The following SPAG16 variants were observed in gnomAD, a reference collection of about 807,000 sequenced individuals.
SPAG16 encodes sperm-associated antigen 16 protein.
SPAG16 carries 86 observed loss-of-function variants against 80.4 expected under a neutral mutation model. The ratio of observed to expected loss-of-function variants is 1.07; its 90% CI spans 0.90 to 1.28. SPAG16 has a LOEUF of 1.28. Among genes scored for constraint, SPAG16 ranks in the 50% most tolerant of loss-of-function variants. The pLI is 0.00. For synonymous variants in SPAG16, 294 were observed against 265.9 expected (o/e 1.11, Z -1.03); for missense variants, 870 against 765.3 (o/e 1.14, Z -1.61).
intron 14 of SPAG16, among the ~76,000 whole-genome samples, chr2:214,126,659 T>C (rs1159503939): frequency 1.3e-5 from 2 of 151,756 alleles, no homozygotes; most frequent in Non-Finnish European, 2.9e-5. Context: ...TCAATAATAA[T>C]TAGCTACTTT....
At chr2:213,635,199 T>C (rs2062314925) in intron 10 of SPAG16, among the ~76,000 whole-genome samples, 1 of 151,950 alleles carries the variant, frequency 6.6e-6, no homozygotes, top group Non-Finnish European at 1.5e-5. Flanking sequence ...CATGCCTGGC[T>C]AATTTTTTTG....
intron 15 of SPAG16, among the ~76,000 whole-genome samples, chr2:214,367,033 C>T (rs1699522698): frequency 6.6e-6 from 1 of 152,030 alleles, no homozygotes; most frequent in South Asian, 2.1e-4. Context: ...CCAACTGCAC[C>T]TCTTTGGTCA....
chr2:213,374,031 C>T (rs1341101101), intron 8 of SPAG16, among the ~76,000 whole-genome samples: 2 of 152,228 alleles, frequency 1.3e-5, no homozygotes, highest in Non-Finnish European at 2.9e-5. Flanking sequence ...AGCTTAGCAC[C>T]TTCGGGGAGG....
At chr2:213,343,184 G>A (rs962137780) in intron 6 of SPAG16, among the ~76,000 whole-genome samples, 1 of 152,148 alleles carries the variant, frequency 6.6e-6, no homozygotes, top group Non-Finnish European at 1.5e-5. Flanking sequence ...AGGTTGCACA[G>A]TGCTGGGAGA....
chr2:213,860,890 A>C (rs2075426578), intron 10 of SPAG16, among the ~76,000 whole-genome samples: 1 of 152,178 alleles, frequency 6.6e-6, no homozygotes, highest in South Asian at 2.1e-4. Flanking sequence ...CAGTAGCTTC[A>C]AGGATTCAGT....
intron 10 of SPAG16, among the ~76,000 whole-genome samples, chr2:213,671,475 A>G (rs981681787): frequency 7.2e-5 from 11 of 152,136 alleles, no homozygotes; most frequent in African/African-American, 2.7e-4. Flanking sequence ...TGTGAGCAAG[A>G]TGGCACTTCA....
chr2:213,866,284 A>G (rs186280606), intron 11 of SPAG16, among the ~76,000 whole-genome samples: 1 of 152,108 alleles, frequency 6.6e-6, no homozygotes, highest in Non-Finnish European at 1.5e-5. Context: ...CAGTACTCAC[A>G]TGGTAACAGA....
At chr2:213,603,456 TATTA>T (rs967644985) in intron 10 of SPAG16, among the ~76,000 whole-genome samples, 4 of 152,238 alleles carry the variant, frequency 2.6e-5, no homozygotes, top group Non-Finnish European at 2.9e-5. Flanking sequence ...GAGTTGAGTT[TATTA>T]ATTATTTTCT....
intron 12 of SPAG16, among the ~76,000 whole-genome samples, chr2:213,956,943 TC>T (rs1259916037): frequency 2.0e-5 from 3 of 152,202 alleles, no homozygotes; most frequent in Non-Finnish European, 4.4e-5. Flanking sequence ...TTCTAAATTT[TC>T]CAGTTTTTCT....
intron 10 of SPAG16, among the ~76,000 whole-genome samples, chr2:213,655,363 G>A (rs7584873): frequency 0.41 from 62,858 of 152,002 alleles, 13,574 homozygotes; most frequent in African/African-American, 0.51. Flanking sequence ...AAAACGATTT[G>A]TATGGAAACC....
Position 213,297,345 on chromosome 2 carries a change from T to TA in SPAG16, c.268dup (p.Thr90AsnfsTer2). 6.2e-7 allele frequency: 1 copy of TA among 1,608,272 alleles called. No individual in the cohort carries two copies. The highest frequency in any genetic ancestry group is 1.1e-5 in the South Asian group (1 of 90,150). ...AGATGGCCCAAGAACAGGCTACAGA[T>TA]ACTGAAATTTTGGTGAGAATTTGAA... On this transcript the variant is annotated frameshift_variant, in exon 3 of 16. Transcript: ENST00000331683. LOFTEE classifies it high-confidence loss of function.
intron 8 of SPAG16, among the ~76,000 whole-genome samples, chr2:213,370,959 G>A (rs1021591045): frequency 1.3e-5 from 2 of 152,156 alleles, no homozygotes; most frequent in African/African-American, 2.4e-5. Context: ...ATCCTGTACT[G>A]AATAATTTTA....
At chr2:213,466,058 T>A (rs1039329435) in intron 9 of SPAG16, among the ~76,000 whole-genome samples, 14 of 152,178 alleles carry the variant, frequency 9.2e-5, no homozygotes, top group African/African-American at 3.1e-4. Context: ...ACTGGCTTAG[T>A]CTCACAGCCT....
At chr2:213,722,392 T>C (rs1373634304) in intron 10 of SPAG16, among the ~76,000 whole-genome samples, 1 of 152,200 alleles carries the variant, frequency 6.6e-6, no homozygotes, top group Non-Finnish European at 1.5e-5. Context: ...CTCTCATTTG[T>C]AGAATGGGAG....
chr2:213,613,684 G>A (rs766409922), intron 10 of SPAG16, among the ~76,000 whole-genome samples: 41 of 151,916 alleles, frequency 2.7e-4, no homozygotes, highest in Non-Finnish European at 5.2e-4. Context: ...TAGGTTTATT[G>A]TTCTCTGCCT....
At chr2:213,588,017 C>T (rs558476650) in intron 10 of SPAG16, among the ~76,000 whole-genome samples, 1 of 152,250 alleles carries the variant, frequency 6.6e-6, no homozygotes, top group East Asian at 1.9e-4. Flanking sequence ...ATAAGATAAA[C>T]TCATACTATT....
intron 10 of SPAG16, among the ~76,000 whole-genome samples, chr2:213,677,909 A>G (rs1327351491): frequency 6.6e-6 from 1 of 152,128 alleles, no homozygotes; most frequent in African/African-American, 2.4e-5. Context: ...AGAAATTATA[A>G]CAAACTGTCT....
Position 213,638,352 on chromosome 2 carries a change from C to T in SPAG16, c.1070+148262C>T, listed in dbSNP as rs192359629. 8.7e-4 allele frequency among the ~76,000 whole-genome samples: 132 copies of T among 152,168 alleles called. 1 individual carries two copies. The highest frequency in any genetic ancestry group is 3.0e-3 in the African/African-American group (125 of 41,532). On this transcript the variant is annotated intron_variant, in intron 10 of 15. Transcript: ENST00000331683. ...TAACCTTAGATTATCTATTCATGCT[C>T]TTTCAAACTTTTTGATGTAGGCATT...
At chr2:213,962,444 C>T (rs868685709) in intron 12 of SPAG16, among the ~76,000 whole-genome samples, 8 of 152,090 alleles carry the variant, frequency 5.3e-5, no homozygotes, top group Non-Finnish European at 5.9e-5. Flanking sequence ...CTTGGCCTCC[C>T]GAAGTGCTGG....
Sources: allele counts gnomAD v4.1 joint callset (sites outside exome capture counted in the v4.1 genomes callset), GRCh38; gene constraint gnomAD v4.1.1; transcripts MANE v1.5; gene names NCBI Gene and HGNC (gene_info 2026-07-23, HGNC 2026-07-21).